NPTN: variants seen among roughly 807,000 people sequenced by gnomAD.
NPTN encodes the protein SDR-1.
A neutral mutation model predicts 42.7 loss-of-function variants in NPTN; 5 were observed. The ratio of observed to expected loss-of-function variants is 0.12; its 90% CI spans 0.06 to 0.25. NPTN has a LOEUF of 0.25. Among genes scored for constraint, NPTN ranks in the 10% least tolerant of loss-of-function variants. NPTN has a pLI of 1.00. For missense variants in NPTN, 307 were observed against 525.4 expected (o/e 0.58, Z 4.06); for synonymous variants, 180 against 201.9 (o/e 0.89, Z 0.92).
At chr15:73,575,210 T>C (rs1052579914) in intron 4 of NPTN, among the ~76,000 whole-genome samples, 8 of 152,240 alleles carry the variant, frequency 5.3e-5, no homozygotes, top group Admixed American at 1.3e-4. Context: ...CTTGAACTCC[T>C]GACCTCAGGT....
intron 4 of NPTN, among the ~76,000 whole-genome samples, chr15:73,576,620 C>T (rs377568352): frequency 2.0e-5 from 3 of 152,118 alleles, no homozygotes; most frequent in African/African-American, 4.8e-5. Flanking sequence ...TGAGCCACTG[C>T]GCCTGGCTAA....
At chr15:73,563,020 C>T (rs1894775999) in intron 7 of NPTN, among the ~76,000 whole-genome samples, 1 of 151,976 alleles carries the variant, frequency 6.6e-6, no homozygotes, top group Non-Finnish European at 1.5e-5. Flanking sequence ...CATGGTATTC[C>T]ACTTTGTATG....
chr15:73,629,436 T>A (rs960732520), intron 1 of NPTN, among the ~76,000 whole-genome samples: 3 of 152,068 alleles, frequency 2.0e-5, no homozygotes, highest in African/African-American at 7.2e-5. Context: ...CCTCTAAAAA[T>A]GTACTCAGTG....
At chr15:73,575,469 T>A (rs1484373110) in intron 4 of NPTN, among the ~76,000 whole-genome samples, 3 of 152,266 alleles carry the variant, frequency 2.0e-5, no homozygotes, top group African/African-American at 7.2e-5. Flanking sequence ...GATGTCACTC[T>A]GTTATCCAAG....
intron 1 of NPTN, among the ~76,000 whole-genome samples, chr15:73,631,155 A>G (rs1173730188): frequency 6.6e-6 from 1 of 152,214 alleles, no homozygotes; most frequent in African/African-American, 2.4e-5. Flanking sequence ...AAATCATTGG[A>G]AAAAAGCTAA....
At chr15:73,581,929 G>A (rs1012684369) in intron 4 of NPTN, among the ~76,000 whole-genome samples, 4 of 152,204 alleles carry the variant, frequency 2.6e-5, no homozygotes, top group Admixed American at 6.5e-5. Context: ...CCGCCTCCCG[G>A]GTTCAAGCGA....
chr15:73,562,378 C>T (rs1428099501), intron 7 of NPTN, among the ~76,000 whole-genome samples: 1 of 152,116 alleles, frequency 6.6e-6, no homozygotes, highest in Non-Finnish European at 1.5e-5. Flanking sequence ...CCTGTATATA[C>T]CTCATTTTAT....
intron 6 of NPTN, chr15:73,566,997 TG>T: frequency 1.1e-6 from 1 of 917,806 alleles, no homozygotes; most frequent in Non-Finnish European, 1.3e-6. Context: ...AAAAAAGACA[TG>T]GGGCTTTTTT....
Position 73,587,518 on chromosome 15 carries a change from T to C in NPTN, c.706+6A>G, listed in dbSNP as rs1595921705. 1 of 1,608,514 alleles carries C rather than the reference T, an allele frequency of 6.2e-7. No individual in the cohort carries two copies. Among genetic ancestry groups the C allele is most frequent in the African/African-American group, 1.3e-5 (1 of 74,928 alleles). ...GGCTCACACCACAGCCTCTGCTGGG[T>C]TGTACCTTTCACTTCAATGGTGGCG... is the stretch of plus-strand genomic sequence containing the variant. On this transcript the variant is annotated splice_donor_region_variant and intron_variant, in intron 4 of 8. Transcript: ENST00000345330.
At position 73,597,556 on chromosome 15, in the gene NPTN, A is replaced by C. The variant is rs1167877636; in HGVS notation, c.92-187T>G. ...AATTCATACAAGCTTTTAGAAGAAG[A>C]ACCACACCCTGGGAAGCTTATGAAG... On this transcript the variant is annotated intron_variant, in intron 1 of 8. Coordinates refer to ENST00000345330, the MANE Select transcript of NPTN (RefSeq NM_012428.4). This position sits in a 1 kb window ranked among gnomAD's most constrained non-coding sequence, Gnocchi z 6.3. 1.3e-5 allele frequency among the ~76,000 whole-genome samples: 2 copies of C among 152,242 alleles called. No individual in the cohort carries two copies. Among genetic ancestry groups the C allele is most frequent in the African/African-American group, 2.4e-5 (1 of 41,466 alleles).
intron 5 of NPTN, among the ~76,000 whole-genome samples, chr15:73,571,976 T>A (rs796722015): frequency 2.6e-5 from 4 of 152,304 alleles, no homozygotes; most frequent in African/African-American, 9.6e-5. Context: ...TCCTTCCCAG[T>A]GACCAGCAGA....
At chr15:73,627,433 T>G in intron 1 of NPTN, among the ~76,000 whole-genome samples, 1 of 152,240 alleles carries the variant, frequency 6.6e-6, no homozygotes. Context: ...CATTCTATTT[T>G]AATGAACAGA....
chr15:73,567,791 C>T (rs2141354713), intron 6 of NPTN: 2 of 984,724 alleles, frequency 2.0e-6, no homozygotes. Flanking sequence ...CTGGCCCACA[C>T]TGGCTGTCAG....
intron 7 of NPTN, 21 bp from the exon 8 acceptor site, chr15:73,561,991 T>C (rs199843084): frequency 6.4e-7 from 1 of 1,569,116 alleles, no homozygotes; most frequent in African/African-American, 1.4e-5. Flanking sequence ...AAAATTGCAT[T>C]ACATGAGTTA....
Position 73,570,456 on chromosome 15 carries a change from GT to G in NPTN, c.841-34del. 1 of 1,590,568 alleles carries G rather than the reference GT, an allele frequency of 6.3e-7. No homozygotes were observed. Among genetic ancestry groups the G allele is most frequent in the South Asian group, 1.1e-5 (1 of 88,442 alleles). On this transcript the variant is annotated intron_variant, in intron 5 of 8. Coordinates refer to ENST00000345330, the MANE Select transcript of NPTN (RefSeq NM_012428.4). The surrounding 1 kb of genome is among the most constrained non-coding windows in gnomAD (Gnocchi z 4.0). ...AAAGTGAGAATACACAAAGGTGAGA[GT>G]GAGTAACTGAGCTAATGTTCAAGAG... is the stretch of plus-strand genomic sequence containing the variant.
At chr15:73,630,568 G>C (rs1898683260) in intron 1 of NPTN, among the ~76,000 whole-genome samples, 1 of 152,196 alleles carries the variant, frequency 6.6e-6, no homozygotes, top group Non-Finnish European at 1.5e-5. Context: ...AGCTTCAAGA[G>C]ACCTTGAGAG....
At chr15:73,576,968 T>C (rs1286303733) in intron 4 of NPTN, among the ~76,000 whole-genome samples, 1 of 152,220 alleles carries the variant, frequency 6.6e-6, no homozygotes, top group Non-Finnish European at 1.5e-5. Flanking sequence ...AGAAAAACTA[T>C]AGTATACTGT....
intron 2 of NPTN, 49 bp from the exon 3 acceptor site, chr15:73,592,186 G>A (rs1055939853): frequency 6.5e-6 from 10 of 1,544,484 alleles, no homozygotes; most frequent in Non-Finnish European, 8.8e-6. Flanking sequence ...TCCATCCTCT[G>A]TAGCCCTGGC....
chr15:73,633,038 C>A, intron 1 of NPTN, 87 bp downstream of exon 1: 1 of 967,384 alleles, frequency 1.0e-6, no homozygotes, highest in South Asian at 2.5e-5. Context: ...TCCCCGAGCT[C>A]CAGCGTCTCC....
Sources: allele counts gnomAD v4.1 joint callset (sites outside exome capture counted in the v4.1 genomes callset), GRCh38; gene constraint gnomAD v4.1.1; non-coding constraint Gnocchi (gnomAD v3.1); transcripts MANE v1.5; gene names NCBI Gene and HGNC (gene_info 2026-07-23, HGNC 2026-07-21).